Variants in GNG4 observed in about 807,000 individuals in gnomAD.
GNG4 encodes the protein G protein subunit gamma 4, also known as guanine nucleotide-binding protein G(I)/G(S)/G(O) subunit gamma-4.
Under a neutral mutation model 5.8 loss-of-function variants are expected in GNG4, and 4 were observed. The observed-to-expected ratio is 0.69, with a 90% CI of 0.34 to 1.57. The LOEUF (loss-of-function observed/expected upper bound fraction) is 1.57, where lower values mean the gene tolerates loss of function less well. Among genes scored for constraint, GNG4 ranks in the 40% most tolerant of loss-of-function variants. GNG4 has a pLI of 0.06. For missense variants in GNG4, 96 were observed against 95.1 expected, an observed-to-expected ratio of 1.01 and a Z score of -0.04; for synonymous variants, 29 against 32.9, an observed-to-expected ratio of 0.88 and a Z score of 0.41.
intron 1 of GNG4, among the ~76,000 whole-genome samples, chr1:235,643,511 C>T (rs1190131460): frequency 1.3e-5 from 2 of 152,216 alleles, no homozygotes; most frequent in East Asian, 3.8e-4. Flanking sequence ...ATTTGTTTCC[C>T]TGTCACCAGT....
intron 1 of GNG4, among the ~76,000 whole-genome samples, chr1:235,643,004 T>C (rs1386509139): frequency 6.6e-6 from 1 of 152,080 alleles, no homozygotes; most frequent in African/African-American, 2.4e-5. Flanking sequence ...GCCCTCTGTT[T>C]CCAATCAGAC....
intron 3 of GNG4, among the ~76,000 whole-genome samples, chr1:235,568,820 TTTC>T (rs1251714819): frequency 1.3e-5 from 2 of 151,658 alleles, no homozygotes; most frequent in Non-Finnish European, 2.9e-5. Flanking sequence ...TTTCTTCTCT[TTTC>T]TTCTTTTCTT....
At chr1:235,594,860 A>T (rs1348870059) in intron 2 of GNG4, among the ~76,000 whole-genome samples, 2 of 152,144 alleles carry the variant, frequency 1.3e-5, no homozygotes, top group African/African-American at 4.8e-5. Context: ...AGGGCTCCTC[A>T]AGTGCTGCCA....
chr1:235,625,340 A>G (rs1277496943), intron 1 of GNG4, among the ~76,000 whole-genome samples: 1 of 152,196 alleles, frequency 6.6e-6, no homozygotes, highest in African/African-American at 2.4e-5. Context: ...GTTCCCACAT[A>G]ACTCCTGTCC....
chr1:235,621,728 G>A (rs987673191), intron 1 of GNG4, among the ~76,000 whole-genome samples: 1 of 151,016 alleles, frequency 6.6e-6, no homozygotes, highest in Non-Finnish European at 1.5e-5. Flanking sequence ...CCAGGCTGGA[G>A]TGCAGTGGCA....
At chr1:235,613,506 G>T (rs1473028309) in intron 1 of GNG4, among the ~76,000 whole-genome samples, 1 of 152,166 alleles carries the variant, frequency 6.6e-6, no homozygotes, top group Non-Finnish European at 1.5e-5. Context: ...CCTTGTAAGT[G>T]AAAGAGTGAG....
intron 2 of GNG4, among the ~76,000 whole-genome samples, chr1:235,584,447 T>C (rs1488088935): frequency 6.6e-6 from 1 of 151,134 alleles, no homozygotes. Flanking sequence ...TAAAATTGCT[T>C]TATTAATTTT....
intron 3 of GNG4, among the ~76,000 whole-genome samples, chr1:235,579,481 G>A (rs1687570735): frequency 2.0e-5 from 3 of 151,866 alleles, no homozygotes; most frequent in African/African-American, 4.8e-5. Context: ...GTGGAGAAAC[G>A]GGAATTCCTG....
At position 235,642,329 on chromosome 1, in the gene GNG4, G is replaced by C. The variant is rs1471423674; in HGVS notation, c.-123+7333C>G. 6.6e-6 allele frequency among the ~76,000 whole-genome samples: 1 copy of C among 152,190 alleles called. No homozygotes were observed. The highest frequency in any genetic ancestry group is 1.5e-5 in the Non-Finnish European group (1 of 68,028). ...CCACTGGTGCTTGGGGGTGGGAAAA[G>C]AGTGACCGGGGGCAACTGAGCAAAA... On this transcript the variant is annotated intron_variant, in intron 1 of 3. Transcript: ENST00000391854. This position sits in a 1 kb window ranked among gnomAD's most constrained non-coding sequence, Gnocchi z 4.3.
intron 1 of GNG4, among the ~76,000 whole-genome samples, chr1:235,647,046 C>T (rs907212256): frequency 1.3e-5 from 2 of 152,156 alleles, no homozygotes; most frequent in Admixed American, 6.5e-5. Flanking sequence ...ATCTCCTTTT[C>T]TTTCCTGATA....
chr1:235,642,234 G>A lies in GNG4; in HGVS notation c.-123+7428C>T, dbSNP rs1440430079. The stretch of plus-strand genomic sequence containing the variant: ...CGGGGTGAGCCTTGGCCCCGCTCCC[G>A]TGCAGGTGTCGCGGGTAAGCTGCCG... On this transcript the variant is annotated intron_variant, in intron 1 of 3. Coordinates refer to ENST00000391854, the MANE Select transcript of GNG4 (RefSeq NM_001098722.2). The surrounding 1 kb of genome is among the most constrained non-coding windows in gnomAD (Gnocchi z 4.3). Among the ~76,000 whole-genome samples, 2 of 152,350 alleles carry A rather than the reference G, an allele frequency of 1.3e-5. No individual in the cohort carries two copies. The highest frequency in any genetic ancestry group is 1.5e-5 in the Non-Finnish European group (1 of 68,038).
At chr1:235,615,733 C>A in intron 1 of GNG4, 1 of 246,574 alleles carries the variant, frequency 4.1e-6, no homozygotes, top group South Asian at 7.1e-5. Context: ...AGGCTTCCTT[C>A]CAAGAAGCAC....
chr1:235,587,600 A>T (rs1247998899), intron 2 of GNG4, among the ~76,000 whole-genome samples: 21 of 462 alleles, frequency 0.045, no homozygotes, highest in South Asian at 0.12. Context: ...TGAGTGTGGG[A>T]GGGCATGGGG....
At chr1:235,576,140 A>G (rs1268993429) in intron 3 of GNG4, among the ~76,000 whole-genome samples, 1 of 151,176 alleles carries the variant, frequency 6.6e-6, no homozygotes, top group African/African-American at 2.4e-5. Flanking sequence ...GGCTCACTGA[A>G]ACCTCCGCGT....
chr1:235,626,956 CTCAAAAAAAAAAAAAAAAAAAAAAAA>C (rs1558501985), intron 1 of GNG4, among the ~76,000 whole-genome samples: 1 of 43,436 alleles, frequency 2.3e-5, no homozygotes, highest in Non-Finnish European at 4.2e-5. Context: ...GAGACTCTAT[CTCAAAAAAAAAAAAAAAAAAAAAAAA>C]AAAAAAAAAA....
At chr1:235,630,072 C>T (rs1688901614) in intron 1 of GNG4, among the ~76,000 whole-genome samples, 1 of 152,196 alleles carries the variant, frequency 6.6e-6, no homozygotes, top group South Asian at 2.1e-4. Flanking sequence ...ATGTTATGAG[C>T]ATGTCTCTTG....
chr1:235,586,212 C>T (rs528383259), intron 2 of GNG4, among the ~76,000 whole-genome samples: 12 of 152,286 alleles, frequency 7.9e-5, no homozygotes, highest in East Asian at 5.8e-4. Flanking sequence ...AGGAGAATCA[C>T]GACAAGTTGG....
chr1:235,597,685 G>A (rs1688159377), intron 1 of GNG4, among the ~76,000 whole-genome samples: 1 of 147,372 alleles, frequency 6.8e-6, no homozygotes, highest in Admixed American at 6.9e-5. Flanking sequence ...GAGTGCAATG[G>A]TGCGATCTCA....
chr1:235,555,648 C>G (rs1558471617), intron 3 of GNG4, among the ~76,000 whole-genome samples: 1 of 142,818 alleles, frequency 7.0e-6, no homozygotes, highest in South Asian at 2.2e-4. Flanking sequence ...CACTGCACAC[C>G]AGCCTGGGTG....
Sources: gnomAD v4.1 joint callset for allele counts (sites outside exome capture counted in the v4.1 genomes callset) on GRCh38, gnomAD v4.1.1 for gene constraint, Gnocchi (gnomAD v3.1) non-coding constraint, MANE v1.5 for transcripts, NCBI Gene and HGNC (gene_info 2026-07-23, HGNC 2026-07-21) for gene names.